FGD4: variants seen among roughly 807,000 people sequenced by gnomAD.
The protein encoded by FGD4 is FYVE, RhoGEF and PH domain-containing protein 4.
A neutral mutation model predicts 102.0 loss-of-function variants in FGD4; 42 were observed. That is an observed-to-expected ratio of 0.41 (90% CI 0.32 to 0.53). FGD4 has a LOEUF of 0.53. FGD4 is among the 20% of genes least tolerant of loss of function. FGD4 has a pLI of 0.21. For synonymous variants in FGD4, 380 were observed against 375.7 expected, an observed-to-expected ratio of 1.01 and a Z score of -0.13; for missense variants, 902 against 1,078.2, an observed-to-expected ratio of 0.84 and a Z score of 2.29.
intron 1 of FGD4, among the ~76,000 whole-genome samples, chr12:32,528,457 C>T (rs1941482850): frequency 1.3e-5 from 2 of 152,080 alleles, no homozygotes; most frequent in African/African-American, 4.8e-5. Context: ...GGCATAATCT[C>T]AGCTCACTGC....
At chr12:32,479,170 T>G (rs1459610098) in intron 1 of FGD4, among the ~76,000 whole-genome samples, 1 of 152,196 alleles carries the variant, frequency 6.6e-6, no homozygotes, top group Non-Finnish European at 1.5e-5. Flanking sequence ...CACAGTCAGA[T>G]TTGAAAGCTG....
chr12:32,490,280 G>A (rs1194792245), intron 1 of FGD4, among the ~76,000 whole-genome samples: 1 of 151,760 alleles, frequency 6.6e-6, no homozygotes, highest in Non-Finnish European at 1.5e-5. Flanking sequence ...TATCTCAGAT[G>A]CTTTTTGTAG....
chr12:32,482,856 C>G (rs1447930778), intron 1 of FGD4, among the ~76,000 whole-genome samples: 1 of 152,122 alleles, frequency 6.6e-6, no homozygotes, highest in Non-Finnish European at 1.5e-5. Context: ...TTAAATAGTT[C>G]AGGATTTGCA....
At chr12:32,562,272 A>G (rs540843574) in intron 1 of FGD4, among the ~76,000 whole-genome samples, 1 of 152,216 alleles carries the variant, frequency 6.6e-6, no homozygotes, top group Non-Finnish European at 1.5e-5. Flanking sequence ...AACATCCATT[A>G]TAAGATTCCT....
At chr12:32,585,221 T>TA in intron 4 of FGD4, among the ~76,000 whole-genome samples, 1 of 81,798 alleles carries the variant, frequency 1.2e-5, no homozygotes, top group African/African-American at 4.2e-5. Context: ...TCTCAAAAAT[T>TA]TTATATATAT....
chr12:32,546,663 A>AGT (rs1376280592), intron 1 of FGD4, among the ~76,000 whole-genome samples: 1 of 152,226 alleles, frequency 6.6e-6, no homozygotes, highest in Non-Finnish European at 1.5e-5. Context: ...CATGGAGGGA[A>AGT]GTAGGACTTG....
chr12:32,598,667 C>T, intron 5 of FGD4, 81 bp downstream of exon 5: 1 of 1,200,528 alleles, frequency 8.3e-7, no homozygotes, highest in Non-Finnish European at 1.2e-6. Flanking sequence ...ATTTTAGAAA[C>T]TGCATGAAGG....
At chr12:32,405,261 GTTTT>G (rs11396808) in intron 1 of FGD4, among the ~76,000 whole-genome samples, 1 of 108,740 alleles carries the variant, frequency 9.2e-6, no homozygotes, top group Non-Finnish European at 1.8e-5. Context: ...GCAGTCAGTG[GTTTT>G]TTTTTTTTTT....
chr12:32,618,851 A>G (rs1949611425), intron 10 of FGD4, among the ~76,000 whole-genome samples: 1 of 152,168 alleles, frequency 6.6e-6, no homozygotes, highest in African/African-American at 2.4e-5. Context: ...CTATAGTCCC[A>G]CCTACTCAGA....
In FGD4 at chr12:32,533,890, GTAT is replaced by G. The variant is rs535269250; in HGVS notation, c.167-30242_167-30240del. ...TTTGTATGTAGTATTTATTAATTCT[GTAT>G]TATTTAGTCACTGAAATCAATGAGC... On this transcript the variant is annotated intron_variant, in intron 1 of 16. Coordinates refer to ENST00000534526, the MANE Select transcript of FGD4 (RefSeq NM_001370298.3). Among the ~76,000 whole-genome samples, 148 of 152,288 alleles carry G rather than the reference GTAT, an allele frequency of 9.7e-4. No homozygotes were observed. The Middle Eastern group carries it at 0.014, about 14-fold the overall frequency.
At chr12:32,515,748 A>G (rs1383349934) in intron 1 of FGD4, among the ~76,000 whole-genome samples, 1 of 152,196 alleles carries the variant, frequency 6.6e-6, no homozygotes, top group East Asian at 1.9e-4. Flanking sequence ...TACCTCCTTT[A>G]CATAAGTGAT....
intron 10 of FGD4, among the ~76,000 whole-genome samples, chr12:32,612,965 A>G (rs1210059536): frequency 6.6e-6 from 1 of 152,160 alleles, no homozygotes; most frequent in East Asian, 1.9e-4. Flanking sequence ...TTGTTATCCT[A>G]ATGAATTTCA....
In FGD4 at chr12:32,631,764, A is replaced by G. The variant is rs916320308; in HGVS notation, c.2173-1785A>G. On this transcript the variant is annotated intron_variant, in intron 14 of 16. Transcript: ENST00000534526. ...CGTGATCTGCCTGCTTTGGCCTCCC[A>G]AAGTGCTGTGATTGCAAGCATGAGC... 3.3e-5 allele frequency among the ~76,000 whole-genome samples: 5 copies of G among 152,256 alleles called. No individual in the cohort carries two copies. In the South Asian group the frequency reaches 1.0e-3, roughly 32 times the overall value.
chr12:32,454,140 A>G (rs1293804645), intron 1 of FGD4, among the ~76,000 whole-genome samples: 1 of 152,200 alleles, frequency 6.6e-6, no homozygotes, highest in Non-Finnish European at 1.5e-5. Context: ...GAGGAGAAAT[A>G]GGCACACTGA....
chr12:32,522,065 TA>T (rs1156850563), intron 1 of FGD4, among the ~76,000 whole-genome samples: 1 of 152,212 alleles, frequency 6.6e-6, no homozygotes, highest in African/African-American at 2.4e-5. Context: ...AGCTGTTTTT[TA>T]AAAAATTAGT....
chr12:32,609,233 A>T (rs1257829975), intron 8 of FGD4, among the ~76,000 whole-genome samples: 1 of 152,154 alleles, frequency 6.6e-6, no homozygotes, highest in Non-Finnish European at 1.5e-5. Flanking sequence ...AGTGACTCTG[A>T]CCACAGAAAC....
At chr12:32,422,908 AT>A (rs1941692534) in intron 1 of FGD4, among the ~76,000 whole-genome samples, 4 of 152,124 alleles carry the variant, frequency 2.6e-5, no homozygotes, top group African/African-American at 9.7e-5. Flanking sequence ...AGTGGGAACT[AT>A]TACCCTCATC....
At chr12:32,572,906 C>T (rs1945789138) in intron 2 of FGD4, among the ~76,000 whole-genome samples, 1 of 152,158 alleles carries the variant, frequency 6.6e-6, no homozygotes, top group Non-Finnish European at 1.5e-5. Flanking sequence ...AGAACAAAAA[C>T]ATACAAGAGA....
chr12:32,557,240 T>C (rs1944194971), intron 1 of FGD4, among the ~76,000 whole-genome samples: 1 of 152,208 alleles, frequency 6.6e-6, no homozygotes, highest in African/African-American at 2.4e-5. Context: ...ATAAATACAT[T>C]TTTATTATAA....
Sources: allele counts gnomAD v4.1 joint callset (sites outside exome capture counted in the v4.1 genomes callset), GRCh38; gene constraint gnomAD v4.1.1; transcripts MANE v1.5; gene names NCBI Gene and HGNC (gene_info 2026-07-23, HGNC 2026-07-21).